DROSHA: variants seen among roughly 807,000 people sequenced by gnomAD.
DROSHA encodes the protein ribonuclease 3.
A neutral mutation model predicts 181.9 loss-of-function variants in DROSHA; 56 were observed. That is an observed-to-expected ratio of 0.31 (90% CI 0.25 to 0.38). The LOEUF is 0.38. DROSHA is among the 10% of genes least tolerant of loss of function. The probability of loss-of-function intolerance (pLI) is 1.00; values close to 1 mark genes in which losing one functional copy is unlikely to be tolerated. For synonymous variants in DROSHA, 524 were observed against 591.2 expected, an observed-to-expected ratio of 0.89 and a Z score of 1.65; for missense variants, 1,218 against 1,743.5, an observed-to-expected ratio of 0.70 and a Z score of 5.37.
intron 23 of DROSHA, among the ~76,000 whole-genome samples, chr5:31,443,184 T>A (rs571791772): frequency 6.6e-6 from 1 of 152,016 alleles, no homozygotes; most frequent in Non-Finnish European, 1.5e-5. Flanking sequence ...CATGTCTCGC[T>A]GATTTTTGTG....
chr5:31,409,169 T>TC lies in DROSHA; in HGVS notation c.3751-11dup. The TC allele has an allele frequency of 6.2e-7, 1 of 1,613,044 alleles. No individual in the cohort carries two copies. The highest frequency in any genetic ancestry group is 1.1e-5 in the South Asian group (1 of 90,832). On this transcript the variant is annotated splice_polypyrimidine_tract_variant and intron_variant, in intron 32 of 35. Transcript: ENST00000344624. The surrounding 1 kb of genome is among the most constrained non-coding windows in gnomAD (Gnocchi z 4.0). ...GATTCAAAATGAACTCCTGTGGAAGTCCCCCAAAACTATTTAGTAATGGGT... is the reference window on the plus strand; with the variant it reads ...GATTCAAAATGAACTCCTGTGGAAGTCCCCCCAAAACTATTTAGTAATGGGT...
At chr5:31,502,338 T>C (rs994838601) in intron 11 of DROSHA, among the ~76,000 whole-genome samples, 1 of 152,166 alleles carries the variant, frequency 6.6e-6, no homozygotes, top group South Asian at 2.1e-4. Flanking sequence ...GCAGGCCACA[T>C]TGGGAGAATC....
At chr5:31,455,641 C>CT (rs57423740) in intron 20 of DROSHA, among the ~76,000 whole-genome samples, 3,233 of 139,310 alleles carry the variant, frequency 0.023, 117 homozygotes, top group African/African-American at 0.077. Flanking sequence ...TGTTATCACA[C>CT]TTTTTTTTTT....
chr5:31,452,813 A>G (rs1747182574), intron 20 of DROSHA, among the ~76,000 whole-genome samples: 2 of 152,240 alleles, frequency 1.3e-5, no homozygotes, highest in African/African-American at 4.8e-5. Flanking sequence ...AGGCCTTACA[A>G]TATGTGTGGA....
Position 31,495,361 on chromosome 5 carries a change from G to A in DROSHA, c.1680C>T (p.Pro560=), listed in dbSNP as rs1752853192. ...SIYPGEEAIK[P]CRPMTNNAGR... ...CAGCATTGTTGGTCATAGGACGACA[G>A]GGCTTGATGGCCTGAGGGGAAAAAA... The change falls in exon 12 of 36, where the codon CCC becomes CCT. Residue 560 remains proline (P), a synonymous_variant. Transcript: ENST00000344624. 5.0e-6 allele frequency: 8 copies of A among 1,613,732 alleles called. No individual in the cohort carries two copies. The highest frequency in any genetic ancestry group is 1.7e-5 in the Admixed American group (1 of 59,994).
intron 23 of DROSHA, among the ~76,000 whole-genome samples, chr5:31,446,302 C>T (rs1746256606): frequency 6.6e-6 from 1 of 151,826 alleles, no homozygotes; most frequent in Non-Finnish European, 1.5e-5. Context: ...AAAAAATTAG[C>T]CGGGTGTGGT....
At position 31,406,959 on chromosome 5, in the gene DROSHA, G is replaced by A; in HGVS notation, c.3855-14C>T. ...GTCTGCAGAGTCCTGAAAGGGAAAG[G>A]AAAGAACATTTATTATGGTAAAGTG... On this transcript the variant is annotated splice_polypyrimidine_tract_variant and intron_variant, in intron 33 of 35. Transcript: ENST00000344624. The A allele has an allele frequency of 1.2e-6, 2 of 1,608,928 alleles. No individual in the cohort carries two copies. The highest frequency in any genetic ancestry group is 1.7e-6 in the Non-Finnish European group (2 of 1,176,118).
intron 35 of DROSHA, among the ~76,000 whole-genome samples, chr5:31,401,860 A>G (rs1356746240): frequency 6.6e-6 from 1 of 152,188 alleles, no homozygotes; most frequent in Non-Finnish European, 1.5e-5. Context: ...TGGCTTGGGA[A>G]TGTTACCAAG....
At chr5:31,408,713 A>G (rs879713973) in intron 33 of DROSHA, 3 of 208,676 alleles carry the variant, frequency 1.4e-5, no homozygotes, top group Admixed American at 1.0e-4. Flanking sequence ...AGAAGTTACA[A>G]GCAAGAAGAC....
At position 31,405,691 on chromosome 5, in the gene DROSHA, T is replaced by C. The variant is rs1740555134; in HGVS notation, c.3980A>G (p.Asp1327Gly). ...IQQAEMGAAM[D>G]ALEKYNFPQM... The stretch of plus-strand genomic sequence containing the variant: ...AACAGGCTTACATTTTTCAAGCGCA[T>C]CCATTGCTGCTCCCATTTCCGCTTG... The change falls in exon 35 of 36, where the codon GAT becomes GGT. Residue 1327 changes from aspartate to glycine, a missense_variant. Physicochemically the swap from Asp to Gly is moderately conservative, Grantham distance 94 (BLOSUM62 -1). Transcript: ENST00000344624. 1.9e-6 allele frequency: 3 copies of C among 1,560,254 alleles called. No individual in the cohort carries two copies. Among genetic ancestry groups the C allele is most frequent in the Admixed American group, 1.9e-5 (1 of 53,054 alleles).
rs1741371245 is a variant in DROSHA at position 31,531,466 on chromosome 5, C to T, written c.-190G>A. ...TCACTGCACCTGGAAAAGTAACTCT[C>T]TTTTCTCCGTCTGTCTCTTCTCGGT... On this transcript the variant is annotated 5_prime_UTR_variant, in exon 2 of 36. Transcript: ENST00000344624. 1 of 152,168 alleles carries T rather than the reference C, an allele frequency of 6.6e-6. No homozygotes were observed. Among genetic ancestry groups the T allele is most frequent in the Admixed American group, 6.5e-5 (1 of 15,272 alleles). 9.4% of individuals were successfully genotyped at this position (152,168 alleles called of 1,614,324 possible).
intron 9 of DROSHA, among the ~76,000 whole-genome samples, chr5:31,510,051 G>GAA (rs4049955): frequency 0.034 from 3,829 of 112,600 alleles, 203 homozygotes; most frequent in African/African-American, 0.097. Flanking sequence ...ACCACAATTT[G>GAA]AAAAAAAAAA....
chr5:31,461,960 A>G (rs1039861919), intron 20 of DROSHA, among the ~76,000 whole-genome samples: 13 of 152,116 alleles, frequency 8.5e-5, no homozygotes, highest in African/African-American at 3.1e-4. Flanking sequence ...TGTTCATCTA[A>G]CCTTGACAGC....
At chr5:31,478,843 C>G (rs1479598163) in intron 16 of DROSHA, among the ~76,000 whole-genome samples, 1 of 152,208 alleles carries the variant, frequency 6.6e-6, no homozygotes, top group Non-Finnish European at 1.5e-5. Flanking sequence ...TATGTCCTTT[C>G]TAGAGAAAAC....
intron 23 of DROSHA, among the ~76,000 whole-genome samples, chr5:31,438,071 G>A (rs576350948): frequency 6.6e-6 from 1 of 152,240 alleles, no homozygotes; most frequent in African/African-American, 2.4e-5. Flanking sequence ...ATTATATGAT[G>A]AAGTCATATC....
At chr5:31,421,917 C>CGTATGTGTGTGTGTGTGTGTGTGTGT (rs1742759233) in intron 29 of DROSHA, 6 of 75,186 alleles carry the variant, frequency 8.0e-5, no homozygotes, top group African/African-American at 3.8e-4. Flanking sequence ...AAAAATTAGC[C>CGTATGTGTGTGTGTGTGTGTGTGTGT]GTGTGTGTGT....
intron 23 of DROSHA, among the ~76,000 whole-genome samples, chr5:31,440,898 T>C (rs1745510096): frequency 6.6e-6 from 1 of 152,154 alleles, no homozygotes; most frequent in Admixed American, 6.5e-5. Context: ...ATATATGAAA[T>C]ATAAATGAAT....
intron 21 of DROSHA, among the ~76,000 whole-genome samples, chr5:31,449,840 A>G (rs1746750576): frequency 6.6e-6 from 1 of 152,210 alleles, no homozygotes; most frequent in African/African-American, 2.4e-5. Context: ...TGATCTTTCC[A>G]TCTTATCTCC....
intron 18 of DROSHA, chr5:31,467,072 T>C (rs1306553396): frequency 6.7e-6 from 1 of 149,690 alleles, no homozygotes; most frequent in Admixed American, 6.8e-5. Context: ...TGGCCTTAGC[T>C]GGGCCTCTCC....
Sources: gnomAD v4.1 joint callset for allele counts (sites outside exome capture counted in the v4.1 genomes callset) on GRCh38, gnomAD v4.1.1 for gene constraint, Gnocchi (gnomAD v3.1) non-coding constraint, MANE v1.5 for transcripts, NCBI Gene and HGNC (gene_info 2026-07-23, HGNC 2026-07-21) for gene names.